BZW2: variants seen among roughly 807,000 people sequenced by gnomAD.
The protein encoded by BZW2 is eIF5-mimic protein 1.
BZW2 carries 23 observed loss-of-function variants against 53.2 expected under a neutral mutation model. That is an observed-to-expected ratio of 0.43 (90% CI 0.31 to 0.61). The LOEUF is 0.61. BZW2 is among the 20% of genes least tolerant of loss of function. The pLI is 0.09. For missense variants in BZW2, 409 were observed against 503.1 expected, an observed-to-expected ratio of 0.81 and a Z score of 1.79; for synonymous variants, 227 against 186.4, an observed-to-expected ratio of 1.22 and a Z score of -1.77.
intron 9 of BZW2, 93 bp downstream of exon 9, chr7:16,697,154 A>G: frequency 7.1e-7 from 1 of 1,415,790 alleles, no homozygotes. Flanking sequence ...CAGTGGCACG[A>G]TCTGCGCTCA....
Position 16,674,569 on chromosome 7 carries a change from G to A in BZW2, c.216G>A (p.Leu72=). The A allele has an allele frequency of 6.2e-7, 1 of 1,602,126 alleles. No individual in the cohort carries two copies. Among genetic ancestry groups the A allele is most frequent in the Non-Finnish European group, 8.5e-7 (1 of 1,173,686 alleles). ...RRYADTLFDI[L]VAGSMLAPGG... is the part of the protein sequence containing the mutation. ...ATGCAGACACACTCTTCGATATCCT[G>A]GTGGCTGGCAGTATGCTTGGTAAAC... The change falls in exon 3 of 12, where the codon CTG becomes CTA. Residue 72 remains leucine, a synonymous_variant. Coordinates refer to ENST00000258761, the MANE Select transcript of BZW2 (RefSeq NM_014038.3).
At chr7:16,669,423 C>T (rs1782534305) in intron 2 of BZW2, among the ~76,000 whole-genome samples, 1 of 152,194 alleles carries the variant, frequency 6.6e-6, no homozygotes, top group African/African-American at 2.4e-5. Flanking sequence ...CCACCATGCC[C>T]AGCCATGTAA....
intron 2 of BZW2, among the ~76,000 whole-genome samples, chr7:16,666,591 C>T (rs529254715): frequency 2.0e-5 from 3 of 152,140 alleles, no homozygotes; most frequent in South Asian, 4.2e-4. Flanking sequence ...TAAGTACAGA[C>T]GGGGTTTCAC....
chr7:16,670,060 G>A (rs1361882080), intron 2 of BZW2, among the ~76,000 whole-genome samples: 1 of 152,158 alleles, frequency 6.6e-6, no homozygotes, highest in Non-Finnish European at 1.5e-5. Flanking sequence ...TCTTATATGG[G>A]AATTTTCTAG....
Position 16,665,439 on chromosome 7 carries a change from A to T in BZW2, c.-5A>T. On this transcript the variant is annotated splice_region_variant and 5_prime_UTR_variant, in exon 2 of 12. Transcript: ENST00000258761. Reference sequence around the variant, plus strand: ...ATCTTTATTTTCTTTGTTTTCAGAAATTTTATGAATAAGCATCAGAAGCCA... The same window carrying T: ...ATCTTTATTTTCTTTGTTTTCAGAATTTTTATGAATAAGCATCAGAAGCCA... The T allele has an allele frequency of 6.2e-7, 1 of 1,614,168 alleles. No homozygotes were observed. Among genetic ancestry groups the T allele is most frequent in the Middle Eastern group, 1.6e-4 (1 of 6,062 alleles).
At chr7:16,670,158 T>C (rs1286774654) in intron 2 of BZW2, among the ~76,000 whole-genome samples, 1 of 152,320 alleles carries the variant, frequency 6.6e-6, no homozygotes, top group South Asian at 2.1e-4. Flanking sequence ...ATCATAAGTT[T>C]TTAAGATTTC....
intron 1 of BZW2, among the ~76,000 whole-genome samples, chr7:16,654,885 G>C (rs535562194): frequency 1.3e-5 from 2 of 152,190 alleles, no homozygotes; most frequent in African/African-American, 4.8e-5. Context: ...ATTACTGAAA[G>C]TTAGACTGAT....
chr7:16,705,975 G>A, intron 11 of BZW2, 85 bp from the exon 12 acceptor site: 4 of 1,474,584 alleles, frequency 2.7e-6, no homozygotes, highest in South Asian at 1.2e-5. Flanking sequence ...GCAATGGCAG[G>A]GTTCTGGGTT....
intron 10 of BZW2, among the ~76,000 whole-genome samples, chr7:16,702,072 T>C (rs1783684725): frequency 6.6e-6 from 1 of 152,184 alleles, no homozygotes; most frequent in Non-Finnish European, 1.5e-5. Flanking sequence ...TCTTCCTTTC[T>C]TACTGTCTTT....
chr7:16,671,211 C>G (rs1261996708), intron 2 of BZW2, among the ~76,000 whole-genome samples: 2 of 151,850 alleles, frequency 1.3e-5, no homozygotes, highest in African/African-American at 4.8e-5. Flanking sequence ...ACTTCCTGTC[C>G]TTCTCTATTC....
intron 1 of BZW2, among the ~76,000 whole-genome samples, chr7:16,651,947 C>T (rs1239557382): frequency 2.0e-5 from 3 of 152,126 alleles, no homozygotes; most frequent in Non-Finnish European, 2.9e-5. Flanking sequence ...AAGCTGTCTT[C>T]GAGAATCATA....
At chr7:16,691,655 C>T (rs868444006) in intron 7 of BZW2, among the ~76,000 whole-genome samples, 6 of 152,220 alleles carry the variant, frequency 3.9e-5, no homozygotes, top group Non-Finnish European at 5.9e-5. Context: ...TTCTCCACCT[C>T]TGCAGATAGA....
chr7:16,686,046 G>T lies in BZW2; in HGVS notation c.541+6G>T. On this transcript the variant is annotated splice_donor_region_variant and intron_variant, in intron 6 of 11. Transcript: ENST00000258761. ...CGACAGCTTAGTCAAAGAAGGTAAC[G>T]AGGCTCCTGTTTTCTCGCCTGTCAG... 4.3e-6 allele frequency: 7 copies of T among 1,611,736 alleles called. No individual in the cohort carries two copies. Among genetic ancestry groups the T allele is most frequent in the Non-Finnish European group, 5.9e-6 (7 of 1,179,262 alleles).
At chr7:16,689,197 G>T (rs1236097743) in intron 6 of BZW2, among the ~76,000 whole-genome samples, 2 of 152,118 alleles carry the variant, frequency 1.3e-5, no homozygotes, top group African/African-American at 2.4e-5. Flanking sequence ...CTTCACTCCA[G>T]CCTGGGCGAC....
chr7:16,647,798 A>G (rs549441009), intron 1 of BZW2, among the ~76,000 whole-genome samples: 1 of 152,366 alleles, frequency 6.6e-6, no homozygotes, highest in African/African-American at 2.4e-5. Context: ...CTCCTGGAAC[A>G]TGTGATTTAG....
intron 1 of BZW2, among the ~76,000 whole-genome samples, chr7:16,658,725 A>G (rs1429194248): frequency 2.0e-5 from 3 of 151,994 alleles, no homozygotes; most frequent in Non-Finnish European, 4.4e-5. Flanking sequence ...AAATACAAAA[A>G]TTAGCCGGGC....
intron 1 of BZW2, among the ~76,000 whole-genome samples, chr7:16,660,345 A>G (rs1009384164): frequency 2.0e-5 from 3 of 150,508 alleles, no homozygotes; most frequent in Admixed American, 6.7e-5. Context: ...GGCTGCAGTG[A>G]GCAGATATCA....
intron 10 of BZW2, among the ~76,000 whole-genome samples, chr7:16,699,722 A>G (rs1783611101): frequency 6.6e-6 from 1 of 152,144 alleles, no homozygotes. Flanking sequence ...GTTACGGGAA[A>G]TGACATCTAG....
At chr7:16,673,862 T>C (rs1232791177) in intron 2 of BZW2, among the ~76,000 whole-genome samples, 2 of 152,184 alleles carry the variant, frequency 1.3e-5, no homozygotes, top group African/African-American at 4.8e-5. Context: ...TCATTACATC[T>C]ATTAAATATT....
Sources: gnomAD v4.1 joint callset for allele counts (sites outside exome capture counted in the v4.1 genomes callset) on GRCh38, gnomAD v4.1.1 for gene constraint, MANE v1.5 for transcripts, NCBI Gene and HGNC (gene_info 2026-07-23, HGNC 2026-07-21) for gene names.